Variants in ADPRS observed in about 807,000 individuals in gnomAD.
ADPRS encodes the protein ADP-ribosylserine hydrolase.
A neutral mutation model predicts 32.1 loss-of-function variants in ADPRS; 25 were observed. The ratio of observed to expected loss-of-function variants is 0.78; its 90% CI spans 0.57 to 1.09. The LOEUF (loss-of-function observed/expected upper bound fraction) is 1.09. ADPRS is among the 50% of genes least tolerant of loss of function. ADPRS has a pLI of 0.00. For synonymous variants in ADPRS, 225 were observed against 201.0 expected (o/e 1.12, Z -1.01); for missense variants, 482 against 480.6 (o/e 1.00, Z -0.03).
intron 1 of ADPRS, 83 bp downstream of exon 1, chr1:36,089,198 G>A: frequency 7.4e-7 from 1 of 1,349,146 alleles, no homozygotes; most frequent in Non-Finnish European, 9.5e-7. Context: ...ACGGGTCGGG[G>A]GTGCGCGGGG....
chr1:36,090,738 G>C (rs1643469407), intron 1 of ADPRS, among the ~76,000 whole-genome samples: 1 of 139,752 alleles, frequency 7.2e-6, no homozygotes, highest in African/African-American at 2.6e-5. Context: ...TGTAGTCCCA[G>C]CTACTCGGGA....
Position 36,093,328 on chromosome 1 carries a change from G to A in ADPRS, c.1034G>A (p.Gly345Asp). 2 of 1,614,254 alleles carry A rather than the reference G, an allele frequency of 1.2e-6. No individual in the cohort carries two copies. The highest frequency in any genetic ancestry group is 1.7e-6 in the Non-Finnish European group (2 of 1,180,056). ...VPESWQQSCE[G>D]YEETDILAQS... is the part of the protein sequence containing the mutation. ...GAGAGCTGGCAGCAAAGCTGTGAAG[G>A]CTACGAGGAGACAGACATCCTGGCC... Residue 345 changes from glycine (G) to aspartate (D), a missense_variant, in exon 6 of 6, where the codon GGC becomes GAC. By Grantham distance (94) the Gly-to-Asp change is moderately conservative. Transcript: ENST00000373178.
rs189656035 is a variant in ADPRS, at chr1:36,092,078, G to C, written c.685G>C (p.Val229Leu). The C allele has an allele frequency of 1.2e-6, 2 of 1,608,452 alleles. No homozygotes were observed. The highest frequency in any genetic ancestry group is 1.7e-6 in the Non-Finnish European group (2 of 1,176,438). Reference protein sequence around the residue: ...MEDLEGDAQSVLDARELGMEE... With the variant: ...MEDLEGDAQSLLDARELGMEE... ...GGATCTGGAGGGTGATGCCCAGTCC[G>C]TCTTGGATGCCAGGGAGTGAGTATG... The change falls in exon 4 of 6, where the codon GTC (valine) becomes CTC (leucine). Residue 229 changes from valine (V) to leucine (L), a missense_variant. Transcript: ENST00000373178.
rs199964084 is a variant in ADPRS at position 36,088,940 on chromosome 1, A to G, written c.36A>G (p.Gly12=). The G allele has an allele frequency of 2.6e-5, 39 of 1,523,280 alleles. No homozygotes were observed. Among genetic ancestry groups the G allele is most frequent in the Non-Finnish European group, 3.0e-5 (34 of 1,140,538 alleles). 94.4% of individuals were successfully genotyped at this position (1,523,280 alleles called of 1,614,324 possible). A position where few individuals can be genotyped will look rare whatever the true frequency, so the allele number is the denominator to read the frequency against. The change falls in exon 1 of 6, where the codon GGA becomes GGG. Residue 12 remains glycine, a synonymous_variant. Coordinates refer to ENST00000373178, the MANE Select transcript of ADPRS (RefSeq NM_017825.3). ...AAAAMAAAAG[G]GAGAARSLSR... The stretch of plus-strand genomic sequence containing the variant: ...CGGCGATGGCGGCAGCGGCAGGTGG[A>G]GGGGCTGGCGCGGCCCGCTCCCTCT...
At position 36,093,667 on chromosome 1, in the gene ADPRS, G is replaced by T; in HGVS notation, c.*281G>T. ...GACGCAGGCGGGTTTATTTTGGAGG[G>T]GTACTTGTGGCATTTTCCTGTATTG... is the stretch of plus-strand genomic sequence containing the variant. On this transcript the variant is annotated 3_prime_UTR_variant, in exon 6 of 6. Transcript: ENST00000373178. The T allele has an allele frequency of 2.4e-6, 1 of 421,810 alleles. No homozygotes were observed. Among genetic ancestry groups the T allele is most frequent in the South Asian group, 4.1e-5 (1 of 24,572 alleles). The allele number at this position is 421,810 out of a possible 1,614,324, so 26.1% of individuals were successfully genotyped here. A position where few individuals can be genotyped will look rare whatever the true frequency, so the allele number is the denominator to read the frequency against.
rs1435107337 is a variant in ADPRS at position 36,091,894 on chromosome 1, G to T, written c.517-16G>T. ...TGCAGCAGGGCTTCTGTGACAGCAG[G>T]TCTCCTCCTCCCTAGTTTGCCCGGC... On this transcript the variant is annotated splice_polypyrimidine_tract_variant and intron_variant, in intron 3 of 5. Coordinates refer to ENST00000373178, the MANE Select transcript of ADPRS (RefSeq NM_017825.3). 8 of 1,594,834 alleles carry T rather than the reference G, an allele frequency of 5.0e-6. No homozygotes were observed. The highest frequency in any genetic ancestry group is 5.1e-6 in the Non-Finnish European group (6 of 1,167,054).
At chr1:36,091,849 G>A in intron 3 of ADPRS, 24 bp downstream of exon 3, 1 of 1,587,894 alleles carries the variant, frequency 6.3e-7, no homozygotes, top group East Asian at 2.3e-5. Flanking sequence ...GCTGGCTTCT[G>A]GGCTGTCCCC....
chr1:36,089,407 G>T (rs1643447422), intron 1 of ADPRS, among the ~76,000 whole-genome samples: 1 of 152,258 alleles, frequency 6.6e-6, no homozygotes, highest in Non-Finnish European at 1.5e-5. Context: ...AGTGGAAAGT[G>T]CGCTTTCAGC....
chr1:36,089,219 C>A, intron 1 of ADPRS, 104 bp downstream of exon 1: 1 of 1,275,540 alleles, frequency 7.8e-7, no homozygotes, highest in South Asian at 1.9e-5. Context: ...ATGAGGCTGC[C>A]GAGGGCACCG....
rs1553175922 is a variant in ADPRS at position 36,088,903 on chromosome 1, G to GGATGGCCGCAGCGGC, written c.6_20dup. On this transcript the variant is annotated 5_prime_UTR_variant, in exon 1 of 6. The change creates a new upstream start codon in the 5' untranslated region. Coordinates refer to ENST00000373178, the MANE Select transcript of ADPRS (RefSeq NM_017825.3). Reference sequence around the variant, plus strand: ...CGGAAGTGGCGAGCAGTCTGCGCGCGGATGGCCGCAGCGGCGATGGCGGCA... The same window carrying GGATGGCCGCAGCGGC: ...CGGAAGTGGCGAGCAGTCTGCGCGCGGATGGCCGCAGCGGCGATGGCCGCAGCGGCGATGGCGGCA... 188 of 1,526,642 alleles carry GGATGGCCGCAGCGGC rather than the reference G, an allele frequency of 1.2e-4. 1 individual carries two copies. The Admixed American group carries it at 2.7e-3, about 22-fold the overall frequency. 94.6% of individuals were successfully genotyped at this position (1,526,642 alleles called of 1,614,324 possible). A position where few individuals can be genotyped will look rare whatever the true frequency, so the allele number is the denominator to read the frequency against.
rs1331569925 is a variant in ADPRS, at chr1:36,092,490, C to T, written c.770C>T (p.Ser257Leu). Reference sequence around the variant, plus strand: ...ATTGGAGAGCTTCTAGACCAGGCATCGGTGACCAGGGAGGAAGTGGTGTCT... The same window carrying T: ...ATTGGAGAGCTTCTAGACCAGGCATTGGTGACCAGGGAGGAAGTGGTGTCT... ...KKIGELLDQA[S>L]VTREEVVSEL... The change falls in exon 5 of 6, where the codon TCG (serine) becomes TTG (leucine). Residue 257 changes from serine to leucine, a missense_variant. Physicochemically the swap from Ser to Leu is moderately radical, Grantham distance 145. Transcript: ENST00000373178. 3 of 1,614,038 alleles carry T rather than the reference C, an allele frequency of 1.9e-6. No individual in the cohort carries two copies. The highest frequency in any genetic ancestry group is 2.2e-5 in the East Asian group (1 of 44,884).
At position 36,091,823 on chromosome 1, in the gene ADPRS, A is replaced by C. The variant is rs1192807178; in HGVS notation, c.514A>C (p.Lys172Gln). 1 of 1,595,444 alleles carries C rather than the reference A, an allele frequency of 6.3e-7. No individual in the cohort carries two copies. Among genetic ancestry groups the C allele is most frequent in the East Asian group, 2.2e-5 (1 of 44,490 alleles). ...CTATAGCAGTGTCCAGGATGTGCAG[A>C]AGGTATTCAGGGCGGGCTGGCTTCT... is the stretch of plus-strand genomic sequence containing the variant. ...LAYSSVQDVQ[K>Q]FARLSAQLTH... Residue 172 changes from lysine to glutamine, a missense_variant and splice_region_variant, in exon 3 of 6, where the codon AAG becomes CAG. Coordinates refer to ENST00000373178, the MANE Select transcript of ADPRS (RefSeq NM_017825.3).
At position 36,092,457 on chromosome 1, in the gene ADPRS, TGAA is replaced by T; in HGVS notation, c.743_745del (p.Lys248del). ...GAGGAGCGTCCATACTCCAGCCGCC[TGAA>T]GAAGATTGGAGAGCTTCTAGACCAG... On this transcript the variant is annotated inframe_deletion, in exon 5 of 6. Transcript: ENST00000373178. 3 of 1,614,166 alleles carry T rather than the reference TGAA, an allele frequency of 1.9e-6. No homozygotes were observed. The highest frequency in any genetic ancestry group is 2.5e-6 in the Non-Finnish European group (3 of 1,180,012).
Position 36,091,321 on chromosome 1 carries a change from G to A in ADPRS, c.289G>A (p.Glu97Lys), listed in dbSNP as rs760650397. Residue 97 changes from glutamate (E) to lysine (K), a missense_variant, in exon 2 of 6, where the codon GAG becomes AAG. Glu to Lys is a moderately conservative substitution (Grantham distance 56, BLOSUM62 1). Transcript: ENST00000373178. ...CCTGCTAGCCAAGGAGGCCTTTGAC[G>A]AGGTGGACATGGCTCACAGGTGAGG... ...QSLLAKEAFD[E>K]VDMAHRFAQE... 9 of 1,614,064 alleles carry A rather than the reference G, an allele frequency of 5.6e-6. No individual in the cohort carries two copies. The highest frequency in any genetic ancestry group is 4.5e-5 in the East Asian group (2 of 44,886).
In ADPRS at chr1:36,091,624, T is replaced by C; in HGVS notation, c.315T>C (p.Ala105=). ...CTCCCCTTCTGTTCCCTAGATTTGCTCAGGAGTACAAGAAAGACCCTGACA... is the reference window on the plus strand; with the variant it reads ...CTCCCCTTCTGTTCCCTAGATTTGCCCAGGAGTACAAGAAAGACCCTGACA... ...FDEVDMAHRF[A]QEYKKDPDRG... Residue 105 remains alanine, a synonymous_variant, in exon 3 of 6, where the codon GCT becomes GCC. Coordinates refer to ENST00000373178, the MANE Select transcript of ADPRS (RefSeq NM_017825.3). The C allele has an allele frequency of 6.3e-7, 1 of 1,597,032 alleles. No homozygotes were observed. The highest frequency in any genetic ancestry group is 1.7e-5 in the Admixed American group (1 of 57,802).
At chr1:36,089,225 C>A in intron 1 of ADPRS, 110 bp downstream of exon 1, 1 of 1,246,054 alleles carries the variant, frequency 8.0e-7, no homozygotes, top group Non-Finnish European at 1.0e-6. Flanking sequence ...CTGCCGAGGG[C>A]ACCGGGGCCA....
intron 1 of ADPRS, among the ~76,000 whole-genome samples, 181 bp downstream of exon 1, chr1:36,089,296 T>C (rs1036599759): frequency 1.3e-5 from 2 of 152,168 alleles, no homozygotes; most frequent in African/African-American, 4.8e-5. Context: ...TCCGGCCTTA[T>C]AGACGTCTCG....
intron 4 of ADPRS, 42 bp downstream of exon 4, chr1:36,092,136 G>A (rs907722805): frequency 6.4e-7 from 1 of 1,551,636 alleles, no homozygotes; most frequent in East Asian, 2.3e-5. Context: ...GTATGTGGGT[G>A]ATCCAGGGGG....
In ADPRS at chr1:36,093,644, C is replaced by T. The variant is rs1039116339; in HGVS notation, c.*258C>T. ...CTGGCTCCTCAGTAGGACAGACAGA[C>T]GCAGGCGGGTTTATTTTGGAGGGGT... On this transcript the variant is annotated 3_prime_UTR_variant, in exon 6 of 6. Transcript: ENST00000373178. 12 of 482,834 alleles carry T rather than the reference C, an allele frequency of 2.5e-5. No homozygotes were observed. Among genetic ancestry groups the T allele is most frequent in the Non-Finnish European group, 4.1e-5 (11 of 270,216 alleles). The allele number at this position is 482,834 out of a possible 1,614,324, so 29.9% of individuals were successfully genotyped here. A position where few individuals can be genotyped will look rare whatever the true frequency, so the allele number is the denominator to read the frequency against.
Sources: gnomAD v4.1 joint callset for allele counts (sites outside exome capture counted in the v4.1 genomes callset) on GRCh38, gnomAD v4.1.1 for gene constraint, MANE v1.5 for transcripts, NCBI Gene and HGNC (gene_info 2026-07-23, HGNC 2026-07-21) for gene names.